The following LRBA variants were observed in gnomAD, a reference collection of about 807,000 sequenced individuals.
LRBA encodes lipopolysaccharide-responsive and beige-like anchor protein.
LRBA carries 176 observed loss-of-function variants against 330.0 expected under a neutral mutation model. The observed-to-expected ratio is 0.53, with a 90% CI of 0.47 to 0.60. LRBA has a LOEUF of 0.60. LRBA is among the 20% of genes least tolerant of loss of function. The pLI, the probability that LRBA is intolerant of heterozygous loss-of-function variation, is 0.00. For missense variants in LRBA, 3,259 were observed against 3,444.8 expected (o/e 0.95, Z 1.35); for synonymous variants, 1,230 against 1,193.0 (o/e 1.03, Z -0.64).
chr4:150,580,092 G>T (rs1771092216), intron 40 of LRBA: 2 of 228,850 alleles, frequency 8.7e-6, no homozygotes, highest in South Asian at 1.1e-4. Context: ...CCGAGGGCGC[G>T]AGGTCCCCTA....
chr4:150,757,866 G>A (rs1734523981), intron 35 of LRBA, among the ~76,000 whole-genome samples: 1 of 152,102 alleles, frequency 6.6e-6, no homozygotes, highest in Non-Finnish European at 1.5e-5. Flanking sequence ...AAAAGATAAA[G>A]GCTGAGTGTT....
chr4:150,293,353 A>G (rs551406792), intron 53 of LRBA, among the ~76,000 whole-genome samples: 97 of 152,338 alleles, frequency 6.4e-4, no homozygotes, highest in Non-Finnish European at 1.0e-3. Flanking sequence ...TAGTTTTACA[A>G]TGGAAATTAT....
At chr4:150,838,550 A>G (rs1748533062) in intron 28 of LRBA, among the ~76,000 whole-genome samples, 1 of 152,116 alleles carries the variant, frequency 6.6e-6, no homozygotes, top group Non-Finnish European at 1.5e-5. Flanking sequence ...TTGATCTTCA[A>G]TCACTGACAC....
chr4:151,010,130 T>C lies in LRBA; in HGVS notation c.216+4297A>G, dbSNP rs1744658781. ...GAAAATTGTGGTATCCACTAGGGGTTCTGGAACCAATCCCCCACATATCAA... is the reference window on the plus strand; with the variant it reads ...GAAAATTGTGGTATCCACTAGGGGTCCTGGAACCAATCCCCCACATATCAA... On this transcript the variant is annotated intron_variant, in intron 2 of 56. Transcript: ENST00000651943. Among the ~76,000 whole-genome samples the C allele has an allele frequency of 2.0e-5, 3 of 152,246 alleles. No homozygotes were observed. The South Asian group carries it at 6.2e-4, about 32-fold the overall frequency.
intron 37 of LRBA, among the ~76,000 whole-genome samples, chr4:150,671,025 TGTGTGTGTGTGTGTGTGAGA>T (rs1347083703): frequency 6.7e-6 from 1 of 148,662 alleles, no homozygotes; most frequent in African/African-American, 2.5e-5. Flanking sequence ...TGTGTGTGTG[TGTGTGTGTGTGTGTGTGAGA>T]GAGAGAGAGA....
chr4:150,373,050 T>C (rs1285592276), intron 47 of LRBA, among the ~76,000 whole-genome samples: 1 of 151,600 alleles, frequency 6.6e-6, no homozygotes. Flanking sequence ...GCGAGACATT[T>C]TGGAAGCAGA....
At chr4:150,580,482 T>C (rs1005171969) in intron 40 of LRBA, 2 of 152,106 alleles carry the variant, frequency 1.3e-5, no homozygotes, top group Non-Finnish European at 2.9e-5. Context: ...GGCCGGACTT[T>C]AAGAGGGTAA....
intron 49 of LRBA, among the ~76,000 whole-genome samples, chr4:150,323,022 T>TGC (rs1732752171): frequency 7.0e-6 from 1 of 143,208 alleles, no homozygotes; most frequent in South Asian, 2.1e-4. Context: ...TGTGTGTGTG[T>TGC]GTGGGGATGC....
At chr4:150,458,779 T>C (rs1754396328) in intron 44 of LRBA, among the ~76,000 whole-genome samples, 1 of 135,484 alleles carries the variant, frequency 7.4e-6, no homozygotes, top group Admixed American at 7.4e-5. Context: ...AAAATATTTA[T>C]TCTAGTTTTT....
At chr4:150,721,456 T>G (rs1213006756) in intron 36 of LRBA, 1 of 286,274 alleles carries the variant, frequency 3.5e-6, no homozygotes, top group Non-Finnish European at 6.8e-6. Flanking sequence ...AACCCAGAAG[T>G]TTTTGTGATC....
chr4:150,444,769 C>G (rs1384148259), intron 44 of LRBA, among the ~76,000 whole-genome samples: 1 of 152,124 alleles, frequency 6.6e-6, no homozygotes, highest in Non-Finnish European at 1.5e-5. Flanking sequence ...ACAAACACAT[C>G]TTGGGGAAAA....
At chr4:150,524,962 A>G (rs1763299638) in intron 40 of LRBA, among the ~76,000 whole-genome samples, 1 of 152,162 alleles carries the variant, frequency 6.6e-6, no homozygotes, top group East Asian at 1.9e-4. Context: ...GAGGTTAACA[A>G]TAATTCAAAA....
At chr4:150,923,300 C>G (rs1359144070) in intron 4 of LRBA, among the ~76,000 whole-genome samples, 1 of 152,074 alleles carries the variant, frequency 6.6e-6, no homozygotes, top group African/African-American at 2.4e-5. Flanking sequence ...TTACTCTCCC[C>G]TTCTCCCTGC....
In LRBA at chr4:150,534,413, AG is replaced by A. The variant is rs1764413762; in HGVS notation, c.6331-43379del. Among the ~76,000 whole-genome samples, 5 of 150,942 alleles carry A rather than the reference AG, an allele frequency of 3.3e-5. No homozygotes were observed. The South Asian group carries it at 1.0e-3, about 31-fold the overall frequency. On this transcript the variant is annotated intron_variant, in intron 40 of 56. Transcript: ENST00000651943. ...AAAAACACTTTTTAGTACATCATCC[AG>A]TATTCCTAATATACAAAGCTACCCT... is the stretch of plus-strand genomic sequence containing the variant.
chr4:150,487,397 T>A (rs1489300682), intron 42 of LRBA, among the ~76,000 whole-genome samples: 1 of 151,414 alleles, frequency 6.6e-6, no homozygotes, highest in Non-Finnish European at 1.5e-5. Context: ...TACACTTTTC[T>A]TGGGGTAAGG....
chr4:150,267,657 A>T (rs1374080306), intron 56 of LRBA, among the ~76,000 whole-genome samples: 1 of 152,216 alleles, frequency 6.6e-6, no homozygotes, highest in African/African-American at 2.4e-5. Flanking sequence ...AAAATAATAA[A>T]GAACAGAGTA....
intron 47 of LRBA, among the ~76,000 whole-genome samples, chr4:150,387,764 A>C (rs184738745): frequency 1.3e-5 from 2 of 152,312 alleles, no homozygotes; most frequent in Admixed American, 6.5e-5. Flanking sequence ...ACATTTGAGC[A>C]AAAATTATTT....
chr4:150,911,099 T>C (rs1731940715), intron 9 of LRBA, among the ~76,000 whole-genome samples: 1 of 152,210 alleles, frequency 6.6e-6, no homozygotes, highest in Admixed American at 6.5e-5. Context: ...GTGAAATCTT[T>C]AAGGATTTTT....
chr4:150,553,448 C>T (rs1202148763), intron 40 of LRBA, among the ~76,000 whole-genome samples: 8 of 151,752 alleles, frequency 5.3e-5, no homozygotes, highest in Admixed American at 4.6e-4. Flanking sequence ...CACATGTACC[C>T]TAGAACTTAA....
Sources: allele counts gnomAD v4.1 joint callset (sites outside exome capture counted in the v4.1 genomes callset), GRCh38; gene constraint gnomAD v4.1.1; transcripts MANE v1.5; gene names NCBI Gene and HGNC (gene_info 2026-07-23, HGNC 2026-07-21).